DOCK1: variants seen among roughly 807,000 people sequenced by gnomAD.
DOCK1 encodes the protein dedicator of cytokinesis protein 1.
Under a neutral mutation model 262.7 loss-of-function variants are expected in DOCK1, and 138 were observed. The observed-to-expected ratio is 0.53, with a 90% CI of 0.46 to 0.61. The LOEUF (loss-of-function observed/expected upper bound fraction) is 0.61. Among genes scored for constraint, DOCK1 ranks in the 20% least tolerant of loss-of-function variants. The probability of loss-of-function intolerance (pLI) is 0.00; values close to 1 mark genes in which losing one functional copy is unlikely to be tolerated. For missense variants in DOCK1, 1,908 were observed against 2,370.7 expected (o/e 0.80, Z 4.05); for synonymous variants, 866 against 867.4 (o/e 1.00, Z 0.03).
intron 21 of DOCK1, among the ~76,000 whole-genome samples, chr10:127,044,095 C>A (rs1444398785): frequency 6.6e-6 from 1 of 152,104 alleles, no homozygotes; most frequent in Non-Finnish European, 1.5e-5. Flanking sequence ...TACATAATTT[C>A]TTTAAGAACA....
intron 22 of DOCK1, among the ~76,000 whole-genome samples, chr10:127,059,346 C>T (rs751916542): frequency 1.3e-5 from 2 of 152,012 alleles, no homozygotes; most frequent in Non-Finnish European, 2.9e-5. Flanking sequence ...TATCTTTGAT[C>T]AGTTTTGGAA....
chr10:127,042,765 G>A, intron 20 of DOCK1, 51 bp downstream of exon 20: 1 of 1,585,538 alleles, frequency 6.3e-7, no homozygotes. Context: ...GTTCTTCCAT[G>A]CTGCAGCGTC....
intron 27 of DOCK1, among the ~76,000 whole-genome samples, chr10:127,213,634 G>T (rs1000906132): frequency 6.6e-6 from 1 of 152,178 alleles, no homozygotes; most frequent in African/African-American, 2.4e-5. Flanking sequence ...AGAGGGATTA[G>T]GGCTCAGCAT....
At chr10:127,138,157 T>C (rs2050866576) in intron 27 of DOCK1, 2 of 739,578 alleles carry the variant, frequency 2.7e-6, no homozygotes, top group African/African-American at 1.8e-5. Context: ...CAATTCGATA[T>C]ACTATGTTTT....
intron 1 of DOCK1, among the ~76,000 whole-genome samples, chr10:126,948,670 A>C (rs2035853536): frequency 6.6e-6 from 1 of 151,922 alleles, no homozygotes; most frequent in Admixed American, 6.6e-5. Context: ...AGCCAGAGGC[A>C]CTGCTTCCCA....
intron 29 of DOCK1, among the ~76,000 whole-genome samples, chr10:127,275,900 T>C (rs1279496736): frequency 6.6e-6 from 1 of 152,252 alleles, no homozygotes; most frequent in African/African-American, 2.4e-5. Context: ...ATGGCCATAT[T>C]AATATTTCAC....
At chr10:127,306,831 T>A (rs934562150) in intron 29 of DOCK1, among the ~76,000 whole-genome samples, 1 of 152,204 alleles carries the variant, frequency 6.6e-6, no homozygotes, top group Non-Finnish European at 1.5e-5. Context: ...AGTTTGAGAA[T>A]CTGAAAGTCT....
At chr10:127,307,972 C>G (rs1345296567) in intron 29 of DOCK1, among the ~76,000 whole-genome samples, 1 of 152,362 alleles carries the variant, frequency 6.6e-6, no homozygotes, top group East Asian at 1.9e-4. Flanking sequence ...GGGCTGGTGG[C>G]TGGCTCCATT....
chr10:127,269,578 C>G (rs968994357), intron 29 of DOCK1, among the ~76,000 whole-genome samples: 2 of 152,226 alleles, frequency 1.3e-5, no homozygotes. Context: ...GGCTGACACT[C>G]TGTCAAGCAT....
At chr10:127,024,555 G>A (rs375766535) in intron 14 of DOCK1, 130 bp from the exon 15 acceptor site, 25 of 705,800 alleles carry the variant, frequency 3.5e-5, no homozygotes, top group African/African-American at 3.0e-4. Flanking sequence ...TGCTGGGAAC[G>A]TGTTCATTTG....
Position 126,963,621 on chromosome 10 carries a change from TTC to T in DOCK1, c.47-7080_47-7079del, listed in dbSNP as rs2037414947. Reference sequence around the variant, plus strand: ...TTCCCTTCCCTTCCCTTCCCTTCCCTTCCCTTCCCTTCCCTTCCCTCCTTCCT... The same window carrying T: ...TTCCCTTCCCTTCCCTTCCCTTCCCTCCTTCCCTTCCCTTCCCTCCTTCCT... On this transcript the variant is annotated intron_variant, in intron 1 of 51. Coordinates refer to ENST00000623213, the MANE Select transcript of DOCK1 (RefSeq NM_001290223.2). 9.8e-3 allele frequency among the ~76,000 whole-genome samples: 608 copies of T among 61,892 alleles called. 4 individuals are homozygous for T. Among genetic ancestry groups the T allele is most frequent in the African/African-American group, 0.049 (587 of 11,894 alleles). 40.6% of individuals were successfully genotyped at this position (61,892 alleles called of 152,430 possible).
rs190763541 is a variant in DOCK1, at chr10:127,408,758, A to G, written c.4123-279A>G. On this transcript the variant is annotated intron_variant, in intron 40 of 51. Transcript: ENST00000623213. ...TCATTTGGTTTTTCATATAGTTTTT[A>G]AATCAGTTGTTACTGTCAAGATGAA... Among the ~76,000 whole-genome samples, 10 of 152,336 alleles carry G rather than the reference A, an allele frequency of 6.6e-5. No homozygotes were observed. The South Asian group carries it at 8.3e-4, about 13-fold the overall frequency.
At chr10:127,298,231 A>T (rs2061567911) in intron 29 of DOCK1, among the ~76,000 whole-genome samples, 1 of 152,228 alleles carries the variant, frequency 6.6e-6, no homozygotes, top group South Asian at 2.1e-4. Context: ...TATGCTAATT[A>T]GTGTCAAAAA....
chr10:126,937,060 G>A (rs898184738), intron 1 of DOCK1, among the ~76,000 whole-genome samples: 4 of 152,036 alleles, frequency 2.6e-5, no homozygotes, highest in Non-Finnish European at 5.9e-5. Flanking sequence ...TAGTTTAGAC[G>A]ACTCTAGGAA....
chr10:126,942,213 C>T (rs1475546061), intron 1 of DOCK1, among the ~76,000 whole-genome samples: 1 of 152,122 alleles, frequency 6.6e-6, no homozygotes, highest in African/African-American at 2.4e-5. Context: ...TTAGTAGAGA[C>T]AGGGTTTCAC....
chr10:127,167,729 G>A (rs1288726105), intron 27 of DOCK1, among the ~76,000 whole-genome samples: 8 of 151,814 alleles, frequency 5.3e-5, no homozygotes, highest in East Asian at 1.9e-4. Context: ...TCCCCTGCCC[G>A]TGACACCAAA....
intron 23 of DOCK1, among the ~76,000 whole-genome samples, chr10:127,090,183 G>A (rs1168136106): frequency 1.3e-5 from 2 of 152,122 alleles, no homozygotes; most frequent in Non-Finnish European, 2.9e-5. Context: ...GAAGGCACTG[G>A]CACTGATAGT....
At chr10:127,386,560 C>T (rs1160340707) in intron 38 of DOCK1, among the ~76,000 whole-genome samples, 1 of 151,500 alleles carries the variant, frequency 6.6e-6, no homozygotes, top group East Asian at 1.9e-4. Flanking sequence ...GTGCCATACT[C>T]CTCATGAGAA....
rs958987422 is a variant in DOCK1, at chr10:126,995,246, G to C, written c.474-1502G>C. ...TCACTTCCCAGACGGGGTGGCGGCC[G>C]GGCAGAGGCTGCAATCTCGGCACTT... On this transcript the variant is annotated intron_variant, in intron 6 of 51. Transcript: ENST00000623213. The surrounding 1 kb of genome is among the most constrained non-coding windows in gnomAD (Gnocchi z 5.8). Among the ~76,000 whole-genome samples the C allele has an allele frequency of 6.6e-6, 1 of 152,180 alleles. No individual in the cohort carries two copies.
Sources: gnomAD v4.1 joint callset for allele counts (sites outside exome capture counted in the v4.1 genomes callset) on GRCh38, gnomAD v4.1.1 for gene constraint, Gnocchi (gnomAD v3.1) non-coding constraint, MANE v1.5 for transcripts, NCBI Gene and HGNC (gene_info 2026-07-23, HGNC 2026-07-21) for gene names.